ZNF398: variants seen among roughly 807,000 people sequenced by gnomAD.
ZNF398 encodes the protein zinc finger protein 398, also known as zinc finger DNA binding protein ZER6.
In ZNF398, 18 loss-of-function variants were observed where a neutral mutation model predicts 41.9. That is an observed-to-expected ratio of 0.43 (90% CI 0.30 to 0.64). ZNF398 has a LOEUF of 0.64. Among genes scored for constraint, ZNF398 ranks in the 30% least tolerant of loss-of-function variants. The pLI is 0.14. For missense variants in ZNF398, 669 were observed against 822.8 expected (o/e 0.81, Z 2.29); for synonymous variants, 260 against 308.8 (o/e 0.84, Z 1.66).
chr7:149,168,003 C>A (rs1795259370), intron 4 of ZNF398, among the ~76,000 whole-genome samples: 1 of 152,140 alleles, frequency 6.6e-6, no homozygotes, highest in South Asian at 2.1e-4. Context: ...CTAAATTCTG[C>A]CACTAACATT....
chr7:149,156,319 A>T (rs1367033365), intron 2 of ZNF398, among the ~76,000 whole-genome samples: 2 of 151,394 alleles, frequency 1.3e-5, no homozygotes, highest in Admixed American at 1.3e-4. Flanking sequence ...AGCCTGGCCA[A>T]CATGATGAAA....
At chr7:149,172,334 G>A (rs552529861) in intron 4 of ZNF398, among the ~76,000 whole-genome samples, 87 of 152,282 alleles carry the variant, frequency 5.7e-4, no homozygotes, top group African/African-American at 1.7e-3. Context: ...CATCTGGGGC[G>A]TGAATCATCC....
intron 1 of ZNF398, among the ~76,000 whole-genome samples, chr7:149,126,855 G>A (rs896792449): frequency 6.6e-6 from 1 of 152,198 alleles, no homozygotes; most frequent in Non-Finnish European, 1.5e-5. Context: ...CGCGGAGGAG[G>A]GGTCCGCCCA....
chr7:149,155,377 G>A (rs1007868900), intron 2 of ZNF398, among the ~76,000 whole-genome samples: 9 of 152,012 alleles, frequency 5.9e-5, no homozygotes, highest in African/African-American at 1.9e-4. Context: ...CTGAGATTGC[G>A]CCACTGCACT....
At chr7:149,145,750 C>A (rs772397989), upstream of ZNF398, among the ~76,000 whole-genome samples, 7 of 152,110 alleles carry the variant, frequency 4.6e-5, no homozygotes, top group Non-Finnish European at 7.3e-5. Context: ...AAATTCCTAG[C>A]AGAGATGGAT....
intron 2 of ZNF398, 48 bp downstream of exon 2, chr7:149,154,388 TTAG>T: frequency 6.6e-7 from 1 of 1,520,304 alleles, no homozygotes. Flanking sequence ...AGAACTTACA[TTAG>T]TAGTAGTCTT....
At chr7:149,126,510 G>A in exon 1 of ZNF398, 1 of 507,550 alleles carries the variant, frequency 2.0e-6, no homozygotes, top group Non-Finnish European at 3.4e-6. Flanking sequence ...GCATGCGAGG[G>A]ATGCGGTCGA....
chr7:149,176,376 G>T, intron 4 of ZNF398, 92 bp from the exon 5 acceptor site: 2 of 882,064 alleles, frequency 2.3e-6, no homozygotes, highest in South Asian at 1.4e-5. Flanking sequence ...AAAATATTTG[G>T]GGCAAAATAT....
intron 5 of ZNF398, among the ~76,000 whole-genome samples, chr7:149,176,829 A>G (rs1795469962): frequency 6.6e-6 from 1 of 152,238 alleles, no homozygotes; most frequent in Non-Finnish European, 1.5e-5. Context: ...GTGCATACAG[A>G]CGAACCAAAA....
At chr7:149,159,647 CA>C (rs1293350514) in intron 2 of ZNF398, among the ~76,000 whole-genome samples, 1 of 148,896 alleles carries the variant, frequency 6.7e-6, no homozygotes, top group Non-Finnish European at 1.5e-5. Context: ...GACTCCGTCT[CA>C]AAAAAAATGC....
chr7:149,144,353 CAGGCTGG>C (rs1381297236), upstream of ZNF398, among the ~76,000 whole-genome samples: 3 of 152,168 alleles, frequency 2.0e-5, no homozygotes, highest in Non-Finnish European at 2.9e-5. Flanking sequence ...GTCTGTCGCC[CAGGCTGG>C]AGTGCAGTGG....
At chr7:149,155,109 A>T (rs908043856) in intron 2 of ZNF398, among the ~76,000 whole-genome samples, 25 of 151,986 alleles carry the variant, frequency 1.6e-4, no homozygotes, top group African/African-American at 5.8e-4. Flanking sequence ...CAACATGGTG[A>T]AACCCCGTCT....
intron 2 of ZNF398, among the ~76,000 whole-genome samples, chr7:149,137,371 G>A (rs1234816863): frequency 6.6e-6 from 1 of 152,114 alleles, no homozygotes; most frequent in African/African-American, 2.4e-5. Flanking sequence ...TCACTGTTGA[G>A]TATGACGTTA....
rs562357996 is a variant in ZNF398 at position 149,149,305 on chromosome 7, C to T, written c.24+1539C>T. On this transcript the variant is annotated intron_variant, in intron 1 of 5. Transcript: ENST00000475153. ...CTGGAGTGCAGTGGCGCCATCTGGG[C>T]TCACTGCAACTTCTGCCTTGCCGGT... is the stretch of plus-strand genomic sequence containing the variant. Among the ~76,000 whole-genome samples the T allele has an allele frequency of 7.9e-5, 12 of 152,188 alleles. No homozygotes were observed. The South Asian group carries it at 2.5e-3, about 31-fold the overall frequency.
At chr7:149,152,761 C>A (rs1794878233) in intron 1 of ZNF398, among the ~76,000 whole-genome samples, 1 of 151,750 alleles carries the variant, frequency 6.6e-6, no homozygotes, top group African/African-American at 2.4e-5. Context: ...GATGGGATTT[C>A]TCCACGTTGG....
At chr7:149,159,065 A>T (rs1795044520) in intron 2 of ZNF398, among the ~76,000 whole-genome samples, 1 of 147,934 alleles carries the variant, frequency 6.8e-6, no homozygotes, top group African/African-American at 2.5e-5. Flanking sequence ...TGCAACTTCC[A>T]CTTCCCGGGG....
At chr7:149,158,054 T>C (rs1279602566) in intron 2 of ZNF398, among the ~76,000 whole-genome samples, 4 of 151,398 alleles carry the variant, frequency 2.6e-5, no homozygotes, top group Admixed American at 6.6e-5. Flanking sequence ...TGCACTCCAG[T>C]CTGGGCAACA....
intron 1 of ZNF398, among the ~76,000 whole-genome samples, chr7:149,128,123 G>A (rs569589058): frequency 3.9e-5 from 6 of 152,242 alleles, no homozygotes; most frequent in Middle Eastern, 3.4e-3. Flanking sequence ...GGAAGGCCAA[G>A]GTACTGTCTG....
At chr7:149,153,304 G>A (rs570203180) in intron 1 of ZNF398, among the ~76,000 whole-genome samples, 96 of 152,130 alleles carry the variant, frequency 6.3e-4, no homozygotes, top group South Asian at 1.5e-3. Context: ...CCAAGACCCC[G>A]TCTCTAAAAA....
Sources: allele counts gnomAD v4.1 joint callset (sites outside exome capture counted in the v4.1 genomes callset), GRCh38; gene constraint gnomAD v4.1.1; transcripts MANE v1.5; gene names NCBI Gene and HGNC (gene_info 2026-07-23, HGNC 2026-07-21).